COPS4: variants seen among roughly 807,000 people sequenced by gnomAD.
COPS4 encodes the protein COP9 signalosome complex subunit 4.
Under a neutral mutation model 55.1 loss-of-function variants are expected in COPS4, and 8 were observed. That is an observed-to-expected ratio of 0.15 (90% CI 0.09 to 0.26). COPS4 has a LOEUF of 0.26. COPS4 is among the 10% of genes least tolerant of loss of function. The pLI is 1.00. For missense variants in COPS4, 248 were observed against 484.0 expected (o/e 0.51, Z 4.58); for synonymous variants, 185 against 165.7 (o/e 1.12, Z -0.90).
chr4:83,073,049 A>G (rs980919199), intron 9 of COPS4, among the ~76,000 whole-genome samples: 2 of 152,232 alleles, frequency 1.3e-5, no homozygotes, highest in African/African-American at 4.8e-5. Context: ...TTCACCTAAC[A>G]GAACAGTAGC....
intron 1 of COPS4, among the ~76,000 whole-genome samples, chr4:83,043,241 G>A (rs1730611751): frequency 6.6e-6 from 1 of 151,928 alleles, no homozygotes; most frequent in South Asian, 2.1e-4. Context: ...GTTAGGCCAG[G>A]CACAGTGGCT....
rs147117632 is a variant in COPS4, at chr4:83,064,760, G to C, written c.886+1514G>C. ...TTTTTTGTAGAGTTGGGGTCTCACT[G>C]TGTTGCCCAGGCTAGTCTTGAACTC... On this transcript the variant is annotated intron_variant, in intron 7 of 9. Transcript: ENST00000264389. Among the ~76,000 whole-genome samples, 14 of 149,760 alleles carry C rather than the reference G, an allele frequency of 9.3e-5. No homozygotes were observed. The East Asian group carries it at 2.8e-3, about 29-fold the overall frequency.
chr4:83,047,937 CTT>C (rs1461672037), intron 2 of COPS4, among the ~76,000 whole-genome samples: 6 of 151,160 alleles, frequency 4.0e-5, no homozygotes, highest in African/African-American at 1.5e-4. Context: ...GGAGGTGGAG[CTT>C]GCAGTGAGCC....
At chr4:83,055,513 G>A (rs1202259476) in intron 4 of COPS4, among the ~76,000 whole-genome samples, 5 of 150,998 alleles carry the variant, frequency 3.3e-5, no homozygotes, top group East Asian at 1.9e-4. Flanking sequence ...GCATGATCTC[G>A]GCTTACTGCA....
chr4:83,050,760 TAG>T (rs941449976), intron 4 of COPS4, among the ~76,000 whole-genome samples: 1 of 151,808 alleles, frequency 6.6e-6, no homozygotes, highest in Admixed American at 6.6e-5. Context: ...GGGATGAGAG[TAG>T]AGAGTACTGG....
intron 9 of COPS4, among the ~76,000 whole-genome samples, chr4:83,073,736 C>T (rs1285177738): frequency 5.3e-5 from 8 of 151,818 alleles, no homozygotes; most frequent in South Asian, 2.1e-4. Context: ...GGGCGGATCA[C>T]GAGGTCAAGA....
rs367806166 is a variant in COPS4, at chr4:83,035,193, G to C, written c.-32G>C. 2 of 1,527,888 alleles carry C rather than the reference G, an allele frequency of 1.3e-6. No homozygotes were observed. Among genetic ancestry groups the C allele is most frequent in the Non-Finnish European group, 1.8e-6 (2 of 1,123,798 alleles). 94.6% of individuals were successfully genotyped at this position (1,527,888 alleles called of 1,614,324 possible). On this transcript the variant is annotated 5_prime_UTR_variant, in exon 1 of 10. Transcript: ENST00000264389. The stretch of plus-strand genomic sequence containing the variant: ...CTCGTTTTCTTTTTGGCTGCCAGAG[G>C]CCCCCGCATCCACCGCTGAGCTGGG...
At chr4:83,060,551 C>A (rs954056361) in intron 6 of COPS4, among the ~76,000 whole-genome samples, 4 of 151,322 alleles carry the variant, frequency 2.6e-5, no homozygotes, top group African/African-American at 9.7e-5. Flanking sequence ...CGTGATCTAC[C>A]CACCTCGGCC....
At chr4:83,075,109 T>G (rs1325928442) in intron 9 of COPS4, among the ~76,000 whole-genome samples, 188 bp from the exon 10 acceptor site, 1 of 151,928 alleles carries the variant, frequency 6.6e-6, no homozygotes, top group Admixed American at 6.6e-5. Context: ...AGAGCAAGAC[T>G]CCATCTCAAA....
chr4:83,052,555 T>C (rs964289912), intron 4 of COPS4, among the ~76,000 whole-genome samples: 1 of 152,152 alleles, frequency 6.6e-6, no homozygotes, highest in East Asian at 1.9e-4. Flanking sequence ...ATTAGTGATA[T>C]AGTGGTGGAA....
In COPS4 at chr4:83,072,668, A is replaced by T. The variant is rs537664808; in HGVS notation, c.1088-2629A>T. On this transcript the variant is annotated intron_variant, in intron 9 of 9. Transcript: ENST00000264389. ...TCTAGTTGTTTTTTTCTAGGTGAAT[A>T]GCCAATTATCCAAGTATCATTTATT... Among the ~76,000 whole-genome samples, 11 of 152,336 alleles carry T rather than the reference A, an allele frequency of 7.2e-5. No individual in the cohort carries two copies. The East Asian group carries it at 9.6e-4, about 13-fold the overall frequency.
Position 83,053,603 on chromosome 4 carries a change from G to A in COPS4, c.411-3323G>A, listed in dbSNP as rs571748600. ...CGCCTGTAATCCCAGCACATTGGGA[G>A]GCTGAGGTGGGCAGATCACCTGAGG... On this transcript the variant is annotated intron_variant, in intron 4 of 9. Transcript: ENST00000264389. Among the ~76,000 whole-genome samples, 4 of 152,244 alleles carry A rather than the reference G, an allele frequency of 2.6e-5. No individual in the cohort carries two copies. In the South Asian group the frequency reaches 8.3e-4, roughly 32 times the overall value.
intron 1 of COPS4, among the ~76,000 whole-genome samples, chr4:83,039,870 C>CG (rs1293101535): frequency 1.3e-5 from 2 of 152,142 alleles, no homozygotes; most frequent in Non-Finnish European, 1.5e-5. Flanking sequence ...CTCCTGGGCT[C>CG]AAGGGATTCT....
intron 4 of COPS4, among the ~76,000 whole-genome samples, chr4:83,051,247 A>AT (rs1730882558): frequency 4.6e-5 from 7 of 151,700 alleles, no homozygotes; most frequent in African/African-American, 7.3e-5. Flanking sequence ...CTACAAAAAA[A>AT]TTTTTTTTTG....
chr4:83,046,697 A>G (rs2126128899), intron 2 of COPS4, among the ~76,000 whole-genome samples: 1 of 152,368 alleles, frequency 6.6e-6, no homozygotes, highest in South Asian at 2.1e-4. Context: ...ATGGAATTTT[A>G]TAGTGAGTTC....
intron 8 of COPS4, 37 bp from the exon 9 acceptor site, chr4:83,068,401 T>C (rs368354543): frequency 9.5e-6 from 13 of 1,364,372 alleles, no homozygotes; most frequent in East Asian, 9.2e-5. Flanking sequence ...CTAAAAGATA[T>C]GATAAAGTTT....
intron 9 of COPS4, among the ~76,000 whole-genome samples, chr4:83,069,204 A>C (rs180931620): frequency 5.3e-5 from 8 of 152,266 alleles, no homozygotes; most frequent in Admixed American, 1.3e-4. Context: ...TTCATTGTCT[A>C]ATACCTTCCC....
intron 1 of COPS4, among the ~76,000 whole-genome samples, chr4:83,041,806 C>T (rs776272955): frequency 6.6e-6 from 1 of 151,174 alleles, no homozygotes; most frequent in South Asian, 2.1e-4. Flanking sequence ...CTTCATTTAT[C>T]ATATTGCTTA....
At chr4:83,062,480 A>G (rs2126133062) in intron 6 of COPS4, among the ~76,000 whole-genome samples, 1 of 152,324 alleles carries the variant, frequency 6.6e-6, no homozygotes, top group East Asian at 1.9e-4. Flanking sequence ...AAAACATTTG[A>G]ATGTCCTGAC....
Sources: allele counts gnomAD v4.1 joint callset (sites outside exome capture counted in the v4.1 genomes callset), GRCh38; gene constraint gnomAD v4.1.1; transcripts MANE v1.5; gene names NCBI Gene and HGNC (gene_info 2026-07-23, HGNC 2026-07-21).